The following FLRT2 variants were observed in gnomAD, a reference collection of about 807,000 sequenced individuals.
The protein encoded by FLRT2 is fibronectin leucine rich transmembrane protein 2, also known as leucine-rich repeat transmembrane protein FLRT2.
A neutral mutation model predicts 40.0 loss-of-function variants in FLRT2; 15 were observed. The ratio of observed to expected loss-of-function variants is 0.38; its 90% CI spans 0.25 to 0.58. The LOEUF is 0.58. Among genes scored for constraint, FLRT2 ranks in the 20% least tolerant of loss-of-function variants. The pLI is 0.71. For synonymous variants in FLRT2, 380 were observed against 336.8 expected, an observed-to-expected ratio of 1.13 and a Z score of -1.41; for missense variants, 726 against 840.0, an observed-to-expected ratio of 0.86 and a Z score of 1.68.
In FLRT2 at chr14:85,623,155, C is replaced by G. The variant is rs199929862; in HGVS notation, c.1641C>G (p.Ile547Met). ...CCCCCTTTCTGCTGGCGGGCTTGAT[C>G]GGGGGCGCGGTGATATTTGTGCTGG... ...MGSPFLLAGLIGGAVIFVLVV... is the reference protein window; with the variant it reads ...MGSPFLLAGLMGGAVIFVLVV... The change falls in exon 2 of 2, where the codon ATC becomes ATG. Residue 547 changes from isoleucine (I) to methionine (M), a missense_variant. By Grantham distance (10) the Ile-to-Met change is conservative. Coordinates refer to ENST00000330753, the MANE Select transcript of FLRT2 (RefSeq NM_013231.6). The G allele has an allele frequency of 2.0e-5, 31 of 1,585,396 alleles. No homozygotes were observed. Among genetic ancestry groups the G allele is most frequent in the Non-Finnish European group, 2.6e-5 (30 of 1,165,620 alleles).
rs765490254 is a variant in FLRT2 at position 85,653,381 on chromosome 14, G to A, written c.*29884G>A. On this transcript the variant is annotated 3_prime_UTR_variant, in exon 2 of 2. Coordinates refer to ENST00000330753, the MANE Select transcript of FLRT2 (RefSeq NM_013231.6). The stretch of plus-strand genomic sequence containing the variant: ...AGTCACACCTGGGTGACCAATATCC[G>A]GAGGCTCTACGTCAAGTCATTGAAC... The A allele has an allele frequency of 2.0e-5, 3 of 152,014 alleles. No homozygotes were observed. The highest frequency in any genetic ancestry group is 4.4e-5 in the Non-Finnish European group (3 of 68,032). The allele number at this position is 152,014 out of a possible 1,614,324, so 9.4% of individuals were successfully genotyped here.
At chr14:85,606,662 T>C (rs1892630534) in intron 1 of FLRT2, among the ~76,000 whole-genome samples, 1 of 151,110 alleles carries the variant, frequency 6.6e-6, no homozygotes, top group African/African-American at 2.4e-5. Flanking sequence ...GTAGCTTGGA[T>C]TACAGGCACG....
chr14:85,561,939 T>G (rs1378409542), intron 1 of FLRT2, among the ~76,000 whole-genome samples: 1 of 152,206 alleles, frequency 6.6e-6, no homozygotes, highest in Admixed American at 6.5e-5. Flanking sequence ...TTCCAGAGCT[T>G]CTCATCCTCA....
rs553571875 is a variant in FLRT2 at position 85,609,281 on chromosome 14, T to C, written c.-376-11858T>C. On this transcript the variant is annotated intron_variant, in intron 1 of 1. Coordinates refer to ENST00000330753, the MANE Select transcript of FLRT2 (RefSeq NM_013231.6). ...AAGGAGCAATACAGGCTTTGGATGG[T>C]CATATCCCTTTGACCCTGTGCGTTC... Among the ~76,000 whole-genome samples the C allele has an allele frequency of 5.0e-4, 76 of 152,294 alleles. 1 individual carries two copies. Among genetic ancestry groups the C allele is most frequent in the African/African-American group, 1.8e-3 (76 of 41,562 alleles).
At chr14:85,536,636 G>C (rs117453957) in intron 1 of FLRT2, among the ~76,000 whole-genome samples, 1,381 of 89,356 alleles carry the variant, frequency 0.015, 22 homozygotes, top group African/African-American at 0.076. Context: ...GAATACTCAT[G>C]GTTTTTTTTT....
intron 1 of FLRT2, among the ~76,000 whole-genome samples, chr14:85,569,003 G>A (rs1890770131): frequency 1.3e-5 from 2 of 152,056 alleles, no homozygotes; most frequent in South Asian, 4.1e-4. Flanking sequence ...CCCAACGGTG[G>A]TACTGATGGA....
intron 1 of FLRT2, among the ~76,000 whole-genome samples, chr14:85,589,476 T>G (rs562745334): frequency 6.6e-6 from 1 of 152,142 alleles, no homozygotes; most frequent in Non-Finnish European, 1.5e-5. Context: ...TTTTTTCCTA[T>G]AGTCGTTTGA....
chr14:85,618,200 C>T (rs929017671), intron 1 of FLRT2, among the ~76,000 whole-genome samples: 4 of 152,152 alleles, frequency 2.6e-5, no homozygotes, highest in African/African-American at 9.7e-5. Flanking sequence ...CACCATCATC[C>T]TCAAGTATTG....
rs1412958349 is a variant in FLRT2, at chr14:85,630,749, A to G, written c.*7252A>G. 2 of 152,076 alleles carry G rather than the reference A, an allele frequency of 1.3e-5. No individual in the cohort carries two copies. Among genetic ancestry groups the G allele is most frequent in the African/African-American group, 4.8e-5 (2 of 41,394 alleles). 9.4% of individuals were successfully genotyped at this position (152,076 alleles called of 1,614,324 possible). A position where few individuals can be genotyped will look rare whatever the true frequency, so the allele number is the denominator to read the frequency against. ...TTACAGGCATGAGCCACACCACTGC[A>G]TTTAAATAATCAGCCTAGGATTCTG... is the stretch of plus-strand genomic sequence containing the variant. On this transcript the variant is annotated 3_prime_UTR_variant, in exon 2 of 2. Coordinates refer to ENST00000330753, the MANE Select transcript of FLRT2 (RefSeq NM_013231.6).
chr14:85,630,304 T>C lies in FLRT2; in HGVS notation c.*6807T>C, dbSNP rs1260433373. On this transcript the variant is annotated 3_prime_UTR_variant, in exon 2 of 2. Transcript: ENST00000330753. ...ATCTGTCTTTTTTTTTTTTTTTTTT[T>C]TTTGGTATGAAGTCTAAACTAGACG... 1 of 149,702 alleles carries C rather than the reference T, an allele frequency of 6.7e-6. No individual in the cohort carries two copies. Among genetic ancestry groups the C allele is most frequent in the Non-Finnish European group, 1.5e-5 (1 of 67,534 alleles). The allele number at this position is 149,702 out of a possible 1,614,324, so 9.3% of individuals were successfully genotyped here.
intron 1 of FLRT2, among the ~76,000 whole-genome samples, chr14:85,554,994 G>A (rs922395721): frequency 6.6e-6 from 1 of 152,164 alleles, no homozygotes; most frequent in Non-Finnish European, 1.5e-5. Flanking sequence ...CTATCTATTG[G>A]AGATAGGCAT....
chr14:85,572,444 C>A (rs1595041072), intron 1 of FLRT2, among the ~76,000 whole-genome samples: 1 of 152,176 alleles, frequency 6.6e-6, no homozygotes, highest in African/African-American at 2.4e-5. Flanking sequence ...CTCCTCAACC[C>A]AGACATGGGG....
At chr14:85,550,533 T>G (rs1485136489) in intron 1 of FLRT2, among the ~76,000 whole-genome samples, 2 of 152,238 alleles carry the variant, frequency 1.3e-5, no homozygotes, top group Non-Finnish European at 2.9e-5. Flanking sequence ...TTTCTTTTTC[T>G]GCATAATATT....
rs558819692 is a variant in FLRT2, at chr14:85,592,262, C to T, written c.-376-28877C>T. Among the ~76,000 whole-genome samples the T allele has an allele frequency of 5.9e-4, 90 of 152,256 alleles. 1 individual carries two copies. The highest frequency in any genetic ancestry group is 3.4e-3 in the Middle Eastern group (1 of 294). On this transcript the variant is annotated intron_variant, in intron 1 of 1. Transcript: ENST00000330753. Reference sequence around the variant, plus strand: ...AGAAAGAAGGTGGTAGCTCCCCTTTCTTCTGCTCGTTACATCCCGAAAACC... The same window carrying T: ...AGAAAGAAGGTGGTAGCTCCCCTTTTTTCTGCTCGTTACATCCCGAAAACC...
chr14:85,625,196 T>C lies in FLRT2; in HGVS notation c.*1699T>C, dbSNP rs1216368108. ...TCAAAAACTACTCCCTTGGAAAAAA[T>C]ATCTTTCGAAAATCAAATTTAAACA... On this transcript the variant is annotated 3_prime_UTR_variant, in exon 2 of 2. Coordinates refer to ENST00000330753, the MANE Select transcript of FLRT2 (RefSeq NM_013231.6). The C allele has an allele frequency of 6.0e-6, 1 of 167,002 alleles. No individual in the cohort carries two copies. The highest frequency in any genetic ancestry group is 1.5e-5 in the Non-Finnish European group (1 of 68,114). 10.3% of individuals were successfully genotyped at this position (167,002 alleles called of 1,614,324 possible).
At chr14:85,581,948 T>C (rs1364630415) in intron 1 of FLRT2, among the ~76,000 whole-genome samples, 1 of 152,230 alleles carries the variant, frequency 6.6e-6, no homozygotes, top group Non-Finnish European at 1.5e-5. Context: ...TTTGAAAGGA[T>C]GAAATCCTGA....
In FLRT2 at chr14:85,621,981, G is replaced by T. The variant is rs750040176; in HGVS notation, c.467G>T (p.Arg156Leu). 2.2e-5 allele frequency: 35 copies of T among 1,601,358 alleles called. No homozygotes were observed. Among genetic ancestry groups the T allele is most frequent in the Admixed American group, 5.1e-5 (3 of 59,046 alleles). Residue 156 changes from arginine to leucine, a missense_variant, in exon 2 of 2, where the codon CGG (arginine) becomes CTG (leucine). Transcript: ENST00000330753. The stretch of plus-strand genomic sequence containing the variant: ...GTGGGGGTGGAAGACGGGGCCTTCC[G>T]GGAGGCTATTAGCCTCAAATTGTTG... ...STVGVEDGAF[R>L]EAISLKLLFL...
intron 1 of FLRT2, among the ~76,000 whole-genome samples, chr14:85,592,776 C>T (rs1047799597): frequency 2.0e-5 from 2 of 99,242 alleles, no homozygotes; most frequent in African/African-American, 8.6e-5. Context: ...GTGACAGGAG[C>T]GAAACTCCGT....
intron 1 of FLRT2, among the ~76,000 whole-genome samples, chr14:85,600,710 C>T (rs1287572131): frequency 3.3e-5 from 5 of 151,974 alleles, no homozygotes; most frequent in Admixed American, 2.6e-4. Context: ...TTATAAGGAA[C>T]CAGGGAGTAA....
Sources: gnomAD v4.1 joint callset for allele counts (sites outside exome capture counted in the v4.1 genomes callset) on GRCh38, gnomAD v4.1.1 for gene constraint, MANE v1.5 for transcripts, NCBI Gene and HGNC (gene_info 2026-07-23, HGNC 2026-07-21) for gene names.